The following BMPER variants were observed in gnomAD, a reference collection of about 807,000 sequenced individuals.
BMPER encodes the protein BMP-binding endothelial regulator protein.
BMPER carries 45 observed loss-of-function variants against 87.3 expected under a neutral mutation model. That is an observed-to-expected ratio of 0.52 (90% confidence interval 0.41 to 0.66). The LOEUF (loss-of-function observed/expected upper bound fraction) is 0.66. Among genes scored for constraint, BMPER ranks in the 30% least tolerant of loss-of-function variants. The pLI, the probability that BMPER is intolerant of heterozygous loss-of-function variation, is 0.00. For missense variants in BMPER, 784 were observed against 867.5 expected, an observed-to-expected ratio of 0.90 and a Z score of 1.21; for synonymous variants, 326 against 316.2, an observed-to-expected ratio of 1.03 and a Z score of -0.33.
intron 13 of BMPER, among the ~76,000 whole-genome samples, chr7:34,128,085 C>T (rs751895275): frequency 2.6e-5 from 4 of 152,184 alleles, no homozygotes; most frequent in Non-Finnish European, 2.9e-5. Flanking sequence ...ATTGATTTCT[C>T]GTGATGTCTG....
At position 33,937,360 on chromosome 7, in the gene BMPER, G is replaced by C; in HGVS notation, c.291G>C (p.Gln97His). 1 of 1,614,204 alleles carries C rather than the reference G, an allele frequency of 6.2e-7. No individual in the cohort carries two copies. The highest frequency in any genetic ancestry group is 8.5e-7 in the Non-Finnish European group (1 of 1,180,028). Residue 97 changes from glutamine (Q) to histidine (H), a missense_variant, in exon 3 of 15, where the codon CAG becomes CAC. Gln to His is a conservative substitution (Grantham distance 24, BLOSUM62 0). Coordinates refer to ENST00000649409, the MANE Select transcript of BMPER (RefSeq NM_001365308.1). ...GAGACTGTGCCCTGGCCATCAAGCA[G>C]AGGGGAGCCTGTTGTGAACAGTGCA... is the stretch of plus-strand genomic sequence containing the variant. Reference protein sequence around the residue: ...LSRDCALAIKQRGACCEQCKG... With the variant: ...LSRDCALAIKHRGACCEQCKG...
chr7:34,070,760 C>A (rs1483509746), intron 11 of BMPER, among the ~76,000 whole-genome samples: 4 of 150,078 alleles, frequency 2.7e-5, no homozygotes, highest in Admixed American at 6.6e-5. Context: ...TGCTGACGTG[C>A]ATGGTGAAAG....
intron 3 of BMPER, among the ~76,000 whole-genome samples, chr7:33,963,789 G>A (rs1034940137): frequency 1.3e-4 from 19 of 151,984 alleles, no homozygotes; most frequent in Non-Finnish European, 2.1e-4. Flanking sequence ...GCAAAACTCC[G>A]TCTCAAAACA....
At chr7:33,936,526 CT>C (rs1784607105) in intron 2 of BMPER, among the ~76,000 whole-genome samples, 1 of 152,208 alleles carries the variant, frequency 6.6e-6, no homozygotes, top group African/African-American at 2.4e-5. Context: ...CTTGATAAAT[CT>C]CACATTTTGT....
chr7:33,905,837 T>TTGGGGGGGGG, intron 1 of BMPER, 91 bp downstream of exon 1: 1 of 409,726 alleles, frequency 2.4e-6, no homozygotes, highest in East Asian at 6.9e-5. Context: ...GATGGGAGGG[T>TTGGGGGGGGG]GGGGAGCGCG....
intron 11 of BMPER, among the ~76,000 whole-genome samples, chr7:34,077,266 G>A (rs1431250383): frequency 2.0e-5 from 3 of 152,160 alleles, no homozygotes; most frequent in African/African-American, 7.2e-5. Flanking sequence ...GAAGAGGTTA[G>A]ATAGCTGGGA....
At chr7:34,006,876 A>C (rs1272608048) in intron 6 of BMPER, among the ~76,000 whole-genome samples, 1 of 152,076 alleles carries the variant, frequency 6.6e-6, no homozygotes, top group Non-Finnish European at 1.5e-5. Flanking sequence ...GTTTTTCTCT[A>C]CCAGAAGTGG....
At chr7:33,959,578 T>C (rs558407499) in intron 3 of BMPER, among the ~76,000 whole-genome samples, 1 of 152,276 alleles carries the variant, frequency 6.6e-6, no homozygotes, top group East Asian at 1.9e-4. Flanking sequence ...CTCCCATATT[T>C]AGAAGTGTTT....
At chr7:34,119,424 A>C (rs1210160425) in intron 13 of BMPER, among the ~76,000 whole-genome samples, 1 of 152,202 alleles carries the variant, frequency 6.6e-6, no homozygotes, top group Admixed American at 6.5e-5. Flanking sequence ...TTTTCTTGTT[A>C]TACTACATAA....
chr7:33,937,493 T>C, intron 3 of BMPER, 105 bp downstream of exon 3: 3 of 1,092,832 alleles, frequency 2.7e-6, no homozygotes, highest in Middle Eastern at 2.3e-4. Flanking sequence ...GGGGTGCACA[T>C]GGGTGGGGAG....
At chr7:34,129,488 A>G (rs1225734912) in intron 13 of BMPER, among the ~76,000 whole-genome samples, 1 of 151,158 alleles carries the variant, frequency 6.6e-6, no homozygotes, top group Non-Finnish European at 1.5e-5. Flanking sequence ...CAGTGAGCTG[A>G]GATCGTGCCA....
chr7:34,024,596 C>T (rs1275953932), intron 6 of BMPER, among the ~76,000 whole-genome samples: 1 of 150,654 alleles, frequency 6.6e-6, no homozygotes, highest in African/African-American at 2.4e-5. Context: ...TGTCTTTCTC[C>T]ATATCACTCA....
intron 13 of BMPER, among the ~76,000 whole-genome samples, chr7:34,141,664 A>G (rs976553583): frequency 1.1e-4 from 17 of 151,978 alleles, no homozygotes; most frequent in Non-Finnish European, 7.4e-5. Flanking sequence ...AAAGAAAGAA[A>G]GATCTCTTTT....
intron 6 of BMPER, among the ~76,000 whole-genome samples, chr7:34,037,157 C>T (rs1408205019): frequency 6.6e-6 from 1 of 152,010 alleles, no homozygotes. Flanking sequence ...ACTATTATTG[C>T]GCCACTGCAC....
At chr7:34,016,163 A>G (rs1209985114) in intron 6 of BMPER, among the ~76,000 whole-genome samples, 1 of 151,868 alleles carries the variant, frequency 6.6e-6, no homozygotes, top group African/African-American at 2.4e-5. Context: ...TATCCCACGT[A>G]TATTTTATCC....
chr7:34,147,520 G>T (rs1791060319), intron 14 of BMPER, among the ~76,000 whole-genome samples: 3 of 152,180 alleles, frequency 2.0e-5, no homozygotes, highest in Admixed American at 2.0e-4. Flanking sequence ...GCCCAGGCTG[G>T]AGTGCAATGG....
At chr7:33,989,172 A>G (rs1235482714) in intron 6 of BMPER, among the ~76,000 whole-genome samples, 4 of 136,484 alleles carry the variant, frequency 2.9e-5, no homozygotes, top group Non-Finnish European at 6.2e-5. Flanking sequence ...CTAGTTCTAG[A>G]TCCCTGAGGA....
chr7:33,993,286 G>T (rs1220161900), intron 6 of BMPER, among the ~76,000 whole-genome samples: 2 of 151,754 alleles, frequency 1.3e-5, no homozygotes, highest in Non-Finnish European at 3.0e-5. Flanking sequence ...TTTTCACATA[G>T]TCCCATATTT....
intron 13 of BMPER, among the ~76,000 whole-genome samples, chr7:34,142,245 G>C (rs144583854): frequency 6.6e-6 from 1 of 152,206 alleles, no homozygotes; most frequent in East Asian, 1.9e-4. Flanking sequence ...ATAATAAAAA[G>C]GACACTCTTT....
Sources: allele counts gnomAD v4.1 joint callset (sites outside exome capture counted in the v4.1 genomes callset), GRCh38; gene constraint gnomAD v4.1.1; transcripts MANE v1.5; gene names NCBI Gene and HGNC (gene_info 2026-07-23, HGNC 2026-07-21).